The following MACROD2 variants were observed in gnomAD, a reference collection of about 807,000 sequenced individuals.
MACROD2 encodes the protein ADP-ribose glycohydrolase MACROD2.
A neutral mutation model predicts 70.4 loss-of-function variants in MACROD2; 36 were observed. That is an observed-to-expected ratio of 0.51 (90% confidence interval 0.39 to 0.68). The LOEUF (loss-of-function observed/expected upper bound fraction) is 0.68. Ranked by LOEUF, MACROD2 falls within the 30% of genes least tolerant of loss-of-function variation. The probability of loss-of-function intolerance (pLI) is 0.00; values close to 1 mark genes in which losing one functional copy is unlikely to be tolerated. For synonymous variants in MACROD2, 172 were observed against 178.8 expected, an observed-to-expected ratio of 0.96 and a Z score of 0.30; for missense variants, 496 against 538.4, an observed-to-expected ratio of 0.92 and a Z score of 0.78.
intron 5 of MACROD2, among the ~76,000 whole-genome samples, chr20:15,076,622 T>C (rs425447): frequency 0.16 from 24,566 of 152,208 alleles, 2,668 homozygotes; most frequent in Non-Finnish European, 0.24. Flanking sequence ...TAGCTACAAA[T>C]ATGTTTTCTG....
At chr20:14,235,949 C>A (rs2081866030) in intron 3 of MACROD2, among the ~76,000 whole-genome samples, 1 of 152,054 alleles carries the variant, frequency 6.6e-6, no homozygotes, top group African/African-American at 2.4e-5. Flanking sequence ...TTAATTATAA[C>A]TGACATACTG....
chr20:15,813,381 C>T (rs2063840214), intron 8 of MACROD2, among the ~76,000 whole-genome samples: 1 of 152,188 alleles, frequency 6.6e-6, no homozygotes, highest in Non-Finnish European at 1.5e-5. Context: ...CAATTGATTT[C>T]CTATGAGAAA....
intron 8 of MACROD2, among the ~76,000 whole-genome samples, chr20:15,663,391 T>G (rs1161115984): frequency 1.3e-5 from 2 of 151,918 alleles, no homozygotes; most frequent in Non-Finnish European, 2.9e-5. Flanking sequence ...TGCACCACCA[T>G]GCTTGGCTAA....
chr20:14,485,098 T>A (rs1294743503), intron 3 of MACROD2, among the ~76,000 whole-genome samples: 2 of 152,164 alleles, frequency 1.3e-5, no homozygotes, highest in East Asian at 3.9e-4. Context: ...CAACAGTATA[T>A]AAGGATCCCC....
chr20:15,125,546 C>T (rs1440177927), intron 5 of MACROD2, among the ~76,000 whole-genome samples: 1 of 151,998 alleles, frequency 6.6e-6, no homozygotes, highest in Non-Finnish European at 1.5e-5. Flanking sequence ...AACGTTTCTG[C>T]TGAGGAAAGT....
intron 10 of MACROD2, among the ~76,000 whole-genome samples, chr20:15,912,882 G>A (rs2065257236): frequency 6.6e-6 from 1 of 152,106 alleles, no homozygotes; most frequent in Non-Finnish European, 1.5e-5. Flanking sequence ...TTCTCATAGA[G>A]TAAGTTAGGA....
At chr20:14,531,750 T>A (rs1356668649) in intron 4 of MACROD2, among the ~76,000 whole-genome samples, 1 of 152,154 alleles carries the variant, frequency 6.6e-6, no homozygotes, top group Non-Finnish European at 1.5e-5. Flanking sequence ...AAATTAAATG[T>A]CCTGCCCCAG....
Position 14,085,626 on chromosome 20 carries a change from A to T in MACROD2, c.169A>T (p.Asn57Tyr), listed in dbSNP as rs781645722. ...ATATCCATTTTCTATTACAGAAGAA[A>T]ATACTCAGGAAACATCCCAGGTGAA... ...MKGKGQNDEENTQETSQVKKS... is the reference protein window; with the variant it reads ...MKGKGQNDEEYTQETSQVKKS... Residue 57 changes from asparagine (N) to tyrosine (Y), a missense_variant, in exon 3 of 18, where the codon AAT becomes TAT. Asn to Tyr is a moderately radical substitution (Grantham distance 143). Transcript: ENST00000684519. 6.5e-7 allele frequency: 1 copy of T among 1,544,038 alleles called. No homozygotes were observed. The highest frequency in any genetic ancestry group is 8.7e-7 in the Non-Finnish European group (1 of 1,143,444).
chr20:15,587,767 CAAGAGGTGG>C (rs1377234980), intron 8 of MACROD2, among the ~76,000 whole-genome samples: 2 of 152,174 alleles, frequency 1.3e-5, no homozygotes, highest in Admixed American at 6.5e-5. Context: ...AATGCTGATG[CAAGAGGTGG>C]GTTCCCATGG....
intron 5 of MACROD2, among the ~76,000 whole-genome samples, chr20:14,968,021 C>A (rs905240795): frequency 2.6e-5 from 4 of 152,052 alleles, no homozygotes; most frequent in African/African-American, 7.2e-5. Context: ...TGGTTTTCGA[C>A]AACTCTAAAT....
intron 4 of MACROD2, chr20:14,636,307 A>G (rs1057039900): frequency 5.3e-5 from 8 of 152,098 alleles, no homozygotes; most frequent in Non-Finnish European, 8.8e-5. Context: ...AACAAATTCT[A>G]TCGAGAAAAA....
At chr20:15,968,854 T>C (rs2066186361) in intron 13 of MACROD2, among the ~76,000 whole-genome samples, 1 of 140,204 alleles carries the variant, frequency 7.1e-6, no homozygotes, top group Admixed American at 7.2e-5. Context: ...CATATACATA[T>C]GGAGAGAGAG....
chr20:14,331,607 A>G (rs1287809969), intron 3 of MACROD2, among the ~76,000 whole-genome samples: 2 of 152,138 alleles, frequency 1.3e-5, no homozygotes, highest in African/African-American at 2.4e-5. Context: ...CTACTCTCAT[A>G]TGCCCCTGCT....
At chr20:15,418,989 A>G (rs1340511629) in intron 6 of MACROD2, among the ~76,000 whole-genome samples, 1 of 152,234 alleles carries the variant, frequency 6.6e-6, no homozygotes, top group Non-Finnish European at 1.5e-5. Flanking sequence ...CTCTACTGCC[A>G]GCCACACCAA....
At chr20:14,816,411 C>T (rs567213239) in intron 5 of MACROD2, among the ~76,000 whole-genome samples, 1 of 152,002 alleles carries the variant, frequency 6.6e-6, no homozygotes, top group African/African-American at 2.4e-5. Flanking sequence ...AAGGCAAGGG[C>T]CCAGATCCAT....
chr20:14,833,879 A>T (rs1012556754), intron 5 of MACROD2, among the ~76,000 whole-genome samples: 12 of 152,146 alleles, frequency 7.9e-5, no homozygotes, highest in Non-Finnish European at 1.5e-4. Context: ...GCTGAATAAA[A>T]ATAGTATAAC....
At chr20:15,451,421 A>T (rs1405886695) in intron 7 of MACROD2, among the ~76,000 whole-genome samples, 2 of 127,248 alleles carry the variant, frequency 1.6e-5, no homozygotes, top group African/African-American at 6.5e-5. Flanking sequence ...GGTAAATAAA[A>T]AAAAAAAAAA....
intron 15 of MACROD2, among the ~76,000 whole-genome samples, chr20:16,010,669 T>C (rs1272865030): frequency 6.6e-6 from 1 of 152,200 alleles, no homozygotes; most frequent in East Asian, 1.9e-4. Context: ...GATTCTGGCT[T>C]CCAGTCTTTG....
intron 16 of MACROD2, among the ~76,000 whole-genome samples, chr20:16,043,633 A>G (rs2067337085): frequency 6.6e-6 from 1 of 152,104 alleles, no homozygotes; most frequent in South Asian, 2.1e-4. Flanking sequence ...TGAGTCAGGT[A>G]AAAGCACACG....
Sources: allele counts gnomAD v4.1 joint callset (sites outside exome capture counted in the v4.1 genomes callset), GRCh38; gene constraint gnomAD v4.1.1; transcripts MANE v1.5; gene names NCBI Gene and HGNC (gene_info 2026-07-23, HGNC 2026-07-21).